The following MIER1 variants were observed in gnomAD, a reference collection of about 807,000 sequenced individuals.
The protein encoded by MIER1 is MIER1 transcriptional regulator.
In MIER1, 40 loss-of-function variants were observed where a neutral mutation model predicts 75.7. The observed-to-expected ratio is 0.53, with a 90% CI of 0.41 to 0.69. The LOEUF (loss-of-function observed/expected upper bound fraction) is 0.69, where lower values mean the gene tolerates loss of function less well. Ranked by LOEUF, MIER1 falls within the 30% of genes least tolerant of loss-of-function variation. MIER1 has a pLI of 0.00. For synonymous variants in MIER1, 213 were observed against 223.4 expected (o/e 0.95, Z 0.42); for missense variants, 574 against 680.2 (o/e 0.84, Z 1.74).
At chr1:66,984,538 A>G in intron 13 of MIER1, 34 bp from the exon 14 acceptor site, 8 of 1,480,722 alleles carry the variant, frequency 5.4e-6, no homozygotes, top group Non-Finnish European at 7.3e-6. Context: ...ACTTTTTTCT[A>G]ATTGTGGTTT....
At chr1:66,968,229 T>C (rs1273568464) in intron 8 of MIER1, among the ~76,000 whole-genome samples, 1 of 152,172 alleles carries the variant, frequency 6.6e-6, no homozygotes, top group Non-Finnish European at 1.5e-5. Context: ...ATTCCTCAGC[T>C]TTGTAGTTCT....
At chr1:66,965,764 T>C (rs1277935344) in intron 8 of MIER1, among the ~76,000 whole-genome samples, 1 of 152,174 alleles carries the variant, frequency 6.6e-6, no homozygotes. Context: ...ACTCATTCTA[T>C]TTTTTTGTAC....
At chr1:66,965,649 C>T (rs549208395) in intron 8 of MIER1, among the ~76,000 whole-genome samples, 86 of 152,178 alleles carry the variant, frequency 5.7e-4, no homozygotes, top group Non-Finnish European at 1.2e-3. Flanking sequence ...AGCATATTAT[C>T]TTTTGTGTTA....
intron 2 of MIER1, among the ~76,000 whole-genome samples, chr1:66,937,973 A>T (rs1655310092): frequency 6.6e-6 from 1 of 152,198 alleles, no homozygotes; most frequent in Admixed American, 6.5e-5. Flanking sequence ...CACTTGTGCT[A>T]ATCTAGATAT....
chr1:66,962,653 C>A (rs1334009467), intron 7 of MIER1, among the ~76,000 whole-genome samples: 1 of 152,118 alleles, frequency 6.6e-6, no homozygotes. Context: ...GCCTAGGTGA[C>A]AGAGCAAGAC....
In MIER1 at chr1:66,986,548, A is replaced by C; in HGVS notation, c.*1648A>C. 1 of 1,115,096 alleles carries C rather than the reference A, an allele frequency of 9.0e-7. No individual in the cohort carries two copies. The highest frequency in any genetic ancestry group is 1.3e-5 in the South Asian group (1 of 79,342). 69.1% of individuals were successfully genotyped at this position (1,115,096 alleles called of 1,614,324 possible). ...TGAAGGTTTGCACTGAGAAATTAGC[A>C]TTCAGGCCTTACCCCCATGAAGTAT... On this transcript the variant is annotated 3_prime_UTR_variant, in exon 14 of 14. Coordinates refer to ENST00000401041, the MANE Select transcript of MIER1 (RefSeq NM_001077700.3).
chr1:66,939,346 T>C (rs1469203352), intron 2 of MIER1, among the ~76,000 whole-genome samples: 1 of 152,140 alleles, frequency 6.6e-6, no homozygotes, highest in Non-Finnish European at 1.5e-5. Context: ...AAGTTGTTTG[T>C]GGTTAAATTT....
chr1:66,957,022 C>A (rs1326386051), intron 4 of MIER1, among the ~76,000 whole-genome samples: 4 of 152,130 alleles, frequency 2.6e-5, no homozygotes, highest in African/African-American at 7.2e-5. Context: ...TTCATGATTA[C>A]CCTTTTTTTT....
chr1:66,956,210 C>A (rs1405929669), intron 4 of MIER1, among the ~76,000 whole-genome samples: 1 of 152,134 alleles, frequency 6.6e-6, no homozygotes, highest in African/African-American at 2.4e-5. Context: ...TCGCTTGCAT[C>A]CAGGTGTTTG....
At chr1:66,930,314 T>G (rs965588749) in intron 2 of MIER1, 1 of 1,586,784 alleles carries the variant, frequency 6.3e-7, no homozygotes, top group Non-Finnish European at 8.6e-7. Context: ...GGAGTCCCGT[T>G]GCTGAGTCTC....
chr1:66,976,251 C>G (rs1664710291), intron 11 of MIER1, among the ~76,000 whole-genome samples: 1 of 152,206 alleles, frequency 6.6e-6, no homozygotes, highest in Non-Finnish European at 1.5e-5. Context: ...ATCCACCCCC[C>G]TTGGCCTCCC....
At chr1:66,926,046 C>T (rs1466897563) in intron 1 of MIER1, 96 bp from the exon 2 acceptor site, 3 of 940,426 alleles carry the variant, frequency 3.2e-6, no homozygotes, top group Non-Finnish European at 3.4e-6. Flanking sequence ...TCCTGATTCC[C>T]GACCATCTTT....
chr1:66,964,930 C>T (rs535526184), intron 8 of MIER1, among the ~76,000 whole-genome samples: 8 of 152,180 alleles, frequency 5.3e-5, no homozygotes, highest in African/African-American at 1.9e-4. Flanking sequence ...CAAAAACTTA[C>T]TTTATATTCT....
intron 12 of MIER1, among the ~76,000 whole-genome samples, chr1:66,977,792 G>A (rs1665019841): frequency 6.6e-6 from 1 of 151,782 alleles, no homozygotes; most frequent in Non-Finnish European, 1.5e-5. Context: ...ATTCCCTAAT[G>A]TTTACAGAAT....
At chr1:66,973,862 G>A (rs1414741845) in intron 11 of MIER1, among the ~76,000 whole-genome samples, 1 of 152,076 alleles carries the variant, frequency 6.6e-6, no homozygotes, top group African/African-American at 2.4e-5. Flanking sequence ...TAGCTTCTAA[G>A]TTTTGTGTCG....
intron 2 of MIER1, among the ~76,000 whole-genome samples, chr1:66,928,169 A>G (rs950676492): frequency 6.6e-6 from 1 of 152,064 alleles, no homozygotes. Context: ...TCCCTCAATA[A>G]TAATAATACC....
chr1:66,975,968 A>G (rs138039950), intron 11 of MIER1, among the ~76,000 whole-genome samples: 1 of 150,994 alleles, frequency 6.6e-6, no homozygotes, highest in Non-Finnish European at 1.5e-5. Flanking sequence ...TTTAACATGA[A>G]TGCCACTTCC....
chr1:66,982,992 T>A (rs976437352), intron 13 of MIER1, among the ~76,000 whole-genome samples: 2 of 152,254 alleles, frequency 1.3e-5, no homozygotes, highest in African/African-American at 2.4e-5. Context: ...CTATTGTTTT[T>A]CCTGTTTGTT....
rs1666964317 is a variant in MIER1 at position 66,987,771 on chromosome 1, A to G, written c.*2871A>G. 1 of 152,172 alleles carries G rather than the reference A, an allele frequency of 6.6e-6. No homozygotes were observed. The highest frequency in any genetic ancestry group is 2.1e-4 in the South Asian group (1 of 4,822). 9.4% of individuals were successfully genotyped at this position (152,172 alleles called of 1,614,324 possible). Reference sequence around the variant, plus strand: ...TGTTATTGACAAGGCAAATATATATATATACACAGTCTGTTTCTTCTATTC... The same window carrying G: ...TGTTATTGACAAGGCAAATATATATGTATACACAGTCTGTTTCTTCTATTC... On this transcript the variant is annotated 3_prime_UTR_variant, in exon 14 of 14. Coordinates refer to ENST00000401041, the MANE Select transcript of MIER1 (RefSeq NM_001077700.3).
Sources: allele counts gnomAD v4.1 joint callset (sites outside exome capture counted in the v4.1 genomes callset), GRCh38; gene constraint gnomAD v4.1.1; transcripts MANE v1.5; gene names NCBI Gene and HGNC (gene_info 2026-07-23, HGNC 2026-07-21).